The following PRELID2 variants were observed in gnomAD, a reference collection of about 807,000 sequenced individuals.
PRELID2 encodes PRELI domain-containing protein 2.
Under a neutral mutation model 28.4 loss-of-function variants are expected in PRELID2, and 25 were observed. The observed-to-expected ratio is 0.88, with a 90% CI of 0.64 to 1.23. PRELID2 has a LOEUF of 1.23. Among genes scored for constraint, PRELID2 ranks in the 50% most tolerant of loss-of-function variants. The probability of loss-of-function intolerance (pLI) is 0.00; values close to 1 mark genes in which losing one functional copy is unlikely to be tolerated. For missense variants in PRELID2, 201 were observed against 214.4 expected (o/e 0.94, Z 0.39); for synonymous variants, 76 against 71.6 (o/e 1.06, Z -0.31).
the PRELID2 span, among the ~76,000 whole-genome samples, chr5:145,240,154 C>T: frequency 6.6e-6 from 1 of 151,920 alleles, no homozygotes; most frequent in Non-Finnish European, 1.5e-5. Context: ...CGTTTTATGG[C>T]ATTTATAAAT....
chr5:145,387,124 T>C, the PRELID2 span, among the ~76,000 whole-genome samples: 4 of 152,204 alleles, frequency 2.6e-5, no homozygotes, highest in African/African-American at 9.6e-5. Context: ...ACTCGGGTAA[T>C]GTGCATGACC....
intron 1 of PRELID2, among the ~76,000 whole-genome samples, chr5:145,553,439 G>A (rs116818013): frequency 0.018 from 2,788 of 152,272 alleles, 46 homozygotes; most frequent in Non-Finnish European, 0.026. Context: ...AGCTAGCTAC[G>A]TGATCTCAGG....
intron 1 of PRELID2, among the ~76,000 whole-genome samples, chr5:145,658,173 T>C (rs1412528099): frequency 2.0e-5 from 3 of 152,154 alleles, no homozygotes; most frequent in Non-Finnish European, 4.4e-5. Flanking sequence ...CCTTTTATTA[T>C]AAGATGTTAA....
chr5:145,504,287 C>T (rs1022636946), intron 1 of PRELID2, among the ~76,000 whole-genome samples: 2 of 152,084 alleles, frequency 1.3e-5, no homozygotes, highest in Non-Finnish European at 2.9e-5. Context: ...AACCCACATT[C>T]CAGAGGTTGA....
the PRELID2 span, among the ~76,000 whole-genome samples, chr5:145,412,749 A>G: frequency 0.037 from 5,600 of 152,272 alleles, 237 homozygotes; most frequent in East Asian, 0.23. Context: ...ACTGCTATGA[A>G]GAAATATCTG....
the PRELID2 span, among the ~76,000 whole-genome samples, chr5:145,376,949 T>C: frequency 6.6e-5 from 10 of 152,162 alleles, no homozygotes; most frequent in African/African-American, 2.4e-4. Context: ...TGTTTGCTCT[T>C]GGTTATCTAG....
the PRELID2 span, among the ~76,000 whole-genome samples, chr5:145,374,969 C>T: frequency 6.6e-5 from 10 of 152,186 alleles, no homozygotes; most frequent in African/African-American, 2.2e-4. Context: ...CCCATCTTCC[C>T]AACCCTTCTT....
At chr5:145,375,061 T>A in the PRELID2 span, among the ~76,000 whole-genome samples, 1 of 152,276 alleles carries the variant, frequency 6.6e-6, no homozygotes, top group South Asian at 2.1e-4. Context: ...GAAGAGGCAC[T>A]CTGGCCTTTC....
intron 4 of PRELID2, among the ~76,000 whole-genome samples, chr5:145,812,281 A>G (rs1754005774): frequency 6.6e-6 from 1 of 151,974 alleles, no homozygotes; most frequent in Non-Finnish European, 1.5e-5. Flanking sequence ...AAAAAAGTGG[A>G]CATACAGAGA....
intron 4 of PRELID2, among the ~76,000 whole-genome samples, chr5:145,807,161 C>T (rs114717759): frequency 0.017 from 2,513 of 152,240 alleles, 50 homozygotes; most frequent in African/African-American, 0.053. Flanking sequence ...CGTTACTAGC[C>T]AACAGGACTT....
intron 1 of PRELID2, among the ~76,000 whole-genome samples, chr5:145,713,645 CTATA>C (rs895045603): frequency 1.1e-5 from 1 of 89,372 alleles, no homozygotes; most frequent in African/African-American, 5.5e-5. Context: ...TTTATATATA[CTATA>C]TATAAAGTAT....
intron 1 of PRELID2, among the ~76,000 whole-genome samples, chr5:145,826,884 A>G (rs985053496): frequency 2.0e-5 from 3 of 152,238 alleles, no homozygotes. Flanking sequence ...GCTTTCAGAA[A>G]GCCTACTCTT....
chr5:145,284,808 C>A, the PRELID2 span, among the ~76,000 whole-genome samples: 22 of 152,110 alleles, frequency 1.4e-4, no homozygotes, highest in African/African-American at 5.1e-4. Flanking sequence ...ATTTTCTTAA[C>A]TAAGAGTAGA....
the PRELID2 span, among the ~76,000 whole-genome samples, chr5:145,246,139 A>T: frequency 6.6e-6 from 1 of 152,052 alleles, no homozygotes; most frequent in Non-Finnish European, 1.5e-5. Context: ...AAATGGGAGG[A>T]TCAATGAAAT....
chr5:145,241,587 G>T, the PRELID2 span, among the ~76,000 whole-genome samples: 123 of 151,996 alleles, frequency 8.1e-4, no homozygotes, highest in East Asian at 0.021. Flanking sequence ...AAAATATGAA[G>T]AATGGAGAGG....
At chr5:145,563,763 G>A (rs1752942836) in intron 1 of PRELID2, among the ~76,000 whole-genome samples, 1 of 152,186 alleles carries the variant, frequency 6.6e-6, no homozygotes, top group African/African-American at 2.4e-5. Flanking sequence ...GTGGTTACCA[G>A]GGTTAGGGAG....
At chr5:145,813,169 T>A (rs1317951340) in intron 4 of PRELID2, among the ~76,000 whole-genome samples, 2 of 152,172 alleles carry the variant, frequency 1.3e-5, no homozygotes, top group Non-Finnish European at 2.9e-5. Context: ...AATTTTACAC[T>A]TAGTAGCCCT....
chr5:145,536,851 A>G (rs921613462), intron 1 of PRELID2, among the ~76,000 whole-genome samples: 2 of 151,918 alleles, frequency 1.3e-5, no homozygotes, highest in African/African-American at 4.8e-5. Context: ...TGTATATTTC[A>G]TAAGGGTGTA....
the PRELID2 span, among the ~76,000 whole-genome samples, chr5:145,448,280 G>T: frequency 2.0e-5 from 3 of 151,902 alleles, no homozygotes; most frequent in Non-Finnish European, 4.4e-5. Flanking sequence ...CTTTTGAGAA[G>T]TGTCTGTTCA....
Sources: allele counts gnomAD v4.1 joint callset (sites outside exome capture counted in the v4.1 genomes callset), GRCh38; gene constraint gnomAD v4.1.1; transcripts MANE v1.5; gene names NCBI Gene and HGNC (gene_info 2026-07-23, HGNC 2026-07-21).